Variants in GABRB3 observed in about 807,000 individuals in gnomAD.
The protein encoded by GABRB3 is gamma-aminobutyric acid type A receptor subunit beta3, also known as gamma-aminobutyric acid receptor subunit beta-3.
Under a neutral mutation model 52.1 loss-of-function variants are expected in GABRB3, and 14 were observed. That is an observed-to-expected ratio of 0.27 (90% CI 0.18 to 0.42). GABRB3 has a LOEUF of 0.42. Among genes scored for constraint, GABRB3 ranks in the 10% least tolerant of loss-of-function variants. GABRB3 has a pLI of 1.00. For synonymous variants in GABRB3, 260 were observed against 232.3 expected (o/e 1.12, Z -1.08); for missense variants, 307 against 609.1 (o/e 0.50, Z 5.22).
At chr15:26,644,727 G>A (rs754087115) in intron 3 of GABRB3, among the ~76,000 whole-genome samples, 3 of 152,176 alleles carry the variant, frequency 2.0e-5, no homozygotes, top group Admixed American at 6.5e-5. Flanking sequence ...GTGACAGTCA[G>A]ACATGGCTGT....
At chr15:26,657,467 G>C (rs1887410176) in intron 3 of GABRB3, among the ~76,000 whole-genome samples, 1 of 152,184 alleles carries the variant, frequency 6.6e-6, no homozygotes, top group East Asian at 1.9e-4. Flanking sequence ...TCTACGGATG[G>C]ATGTTAGGTG....
intron 3 of GABRB3, among the ~76,000 whole-genome samples, chr15:26,733,564 C>T (rs886282890): frequency 2.0e-5 from 3 of 152,140 alleles, no homozygotes; most frequent in African/African-American, 7.2e-5. Context: ...GATGACAATA[C>T]TACAAAGTGA....
rs115061212 is a variant in GABRB3, at chr15:26,574,588, T to C, written c.682+5731A>G. Among the ~76,000 whole-genome samples the C allele has an allele frequency of 5.0e-3, 760 of 152,262 alleles. 7 individuals carry two copies. Among genetic ancestry groups the C allele is most frequent in the African/African-American group, 0.017 (717 of 41,534 alleles). ...GCAATAAAAAGGAATGAAGTACTGA[T>C]TCATGGCACAACATGGATGAACCTT... On this transcript the variant is annotated intron_variant, in intron 6 of 8. Coordinates refer to ENST00000311550, the MANE Select transcript of GABRB3 (RefSeq NM_000814.6).
intron 3 of GABRB3, among the ~76,000 whole-genome samples, chr15:26,644,903 A>C (rs527708067): frequency 2.6e-5 from 4 of 152,336 alleles, no homozygotes; most frequent in South Asian, 4.1e-4. Context: ...GTTTGTAGTA[A>C]AATTTTGAAA....
intron 4 of GABRB3, among the ~76,000 whole-genome samples, chr15:26,595,804 T>A (rs8041820): frequency 0.056 from 8,493 of 152,216 alleles, 764 homozygotes; most frequent in African/African-American, 0.19. Context: ...ATCCTGCCCT[T>A]AAGCAGATTC....
chr15:26,733,971 A>C (rs1397891007), intron 3 of GABRB3, among the ~76,000 whole-genome samples: 1 of 152,084 alleles, frequency 6.6e-6, no homozygotes, highest in Admixed American at 6.6e-5. Context: ...CATATACAAA[A>C]ATTAACTCAA....
chr15:26,605,744 T>TA (rs937014334), intron 4 of GABRB3, among the ~76,000 whole-genome samples: 1 of 152,122 alleles, frequency 6.6e-6, no homozygotes, highest in African/African-American at 2.4e-5. Flanking sequence ...CTCACGGAGA[T>TA]AGAGACTAGA....
At chr15:26,550,783 C>A (rs748245748) in intron 8 of GABRB3, among the ~76,000 whole-genome samples, 1 of 152,142 alleles carries the variant, frequency 6.6e-6, no homozygotes, top group Non-Finnish European at 1.5e-5. Flanking sequence ...AGGGAAGGAC[C>A]CAGCCAAGTC....
rs569582687 is a variant in GABRB3 at position 26,649,357 on chromosome 15, C to T, written c.241-27823G>A. 7.1e-4 allele frequency among the ~76,000 whole-genome samples: 108 copies of T among 152,280 alleles called. 1 individual carries two copies. Among genetic ancestry groups the T allele is most frequent in the Non-Finnish European group, 1.3e-3 (91 of 68,034 alleles). ...CTCTTCTCCCTCCACCATGTGATGA[C>T]CCAGAAACAAGGCAGCACCTTAAAA... On this transcript the variant is annotated intron_variant, in intron 3 of 8. Coordinates refer to ENST00000311550, the MANE Select transcript of GABRB3 (RefSeq NM_000814.6).
chr15:26,618,066 G>A (rs34476030), intron 4 of GABRB3, among the ~76,000 whole-genome samples: 27,105 of 151,580 alleles, frequency 0.18, 2,542 homozygotes, highest in African/African-American at 0.26. Flanking sequence ...GGAAGAATCA[G>A]TATCATGAAA....
intron 3 of GABRB3, among the ~76,000 whole-genome samples, chr15:26,680,314 T>C (rs900956644): frequency 2.0e-5 from 3 of 152,180 alleles, no homozygotes; most frequent in African/African-American, 7.2e-5. Context: ...ATACATCCTA[T>C]TGGTTCTCTT....
intron 4 of GABRB3, among the ~76,000 whole-genome samples, chr15:26,601,445 A>T (rs1314899445): frequency 6.6e-6 from 1 of 152,098 alleles, no homozygotes; most frequent in Non-Finnish European, 1.5e-5. Context: ...TTCAAGGCAT[A>T]CTACTACAGA....
At chr15:26,677,164 C>T (rs1013412743) in intron 3 of GABRB3, among the ~76,000 whole-genome samples, 1 of 152,150 alleles carries the variant, frequency 6.6e-6, no homozygotes, top group Non-Finnish European at 1.5e-5. Flanking sequence ...TCCTTTAGAT[C>T]AAAAGGGCAG....
chr15:26,608,689 A>G (rs1891934716), intron 4 of GABRB3, among the ~76,000 whole-genome samples: 1 of 152,168 alleles, frequency 6.6e-6, no homozygotes, highest in Non-Finnish European at 1.5e-5. Context: ...CCAACAAGAC[A>G]TATGAAAAGA....
intron 3 of GABRB3, among the ~76,000 whole-genome samples, chr15:26,678,050 A>AG (rs1888122216): frequency 6.6e-6 from 1 of 151,882 alleles, no homozygotes. Context: ...ATCCAAAGAA[A>AG]AAACAGAGTG....
chr15:26,548,857 C>A (rs899330626), intron 8 of GABRB3, among the ~76,000 whole-genome samples: 3 of 152,228 alleles, frequency 2.0e-5, no homozygotes, highest in South Asian at 2.1e-4. Context: ...TTGGTCTGCA[C>A]TGGAACTTTC....
chr15:26,740,605 G>A (rs1348829093), intron 3 of GABRB3, among the ~76,000 whole-genome samples: 1 of 152,108 alleles, frequency 6.6e-6, no homozygotes, highest in East Asian at 1.9e-4. Context: ...ACCTCCCTCT[G>A]TCCCGTGGGC....
chr15:26,597,555 G>T (rs1388813008), intron 4 of GABRB3, among the ~76,000 whole-genome samples: 1 of 152,182 alleles, frequency 6.6e-6, no homozygotes. Context: ...TGAAATGGAG[G>T]TCCTGGATTT....
chr15:26,716,236 C>T (rs1168601925), intron 3 of GABRB3, among the ~76,000 whole-genome samples: 3 of 152,128 alleles, frequency 2.0e-5, no homozygotes, highest in Non-Finnish European at 4.4e-5. Flanking sequence ...TGATCCTCTT[C>T]CCACTGAACG....
Sources: gnomAD v4.1 joint callset for allele counts (sites outside exome capture counted in the v4.1 genomes callset) on GRCh38, gnomAD v4.1.1 for gene constraint, MANE v1.5 for transcripts, NCBI Gene and HGNC (gene_info 2026-07-23, HGNC 2026-07-21) for gene names.